Variants in SEC11A observed in about 807,000 individuals in gnomAD.
SEC11A encodes SEC11 homolog A, signal peptidase complex subunit.
Under a neutral mutation model 25.6 loss-of-function variants are expected in SEC11A, and 14 were observed. The ratio of observed to expected loss-of-function variants is 0.55; its 90% CI spans 0.36 to 0.85. SEC11A has a LOEUF of 0.85. SEC11A is among the 40% of genes least tolerant of loss of function. SEC11A has a pLI of 0.01. For synonymous variants in SEC11A, 83 were observed against 76.4 expected (o/e 1.09, Z -0.45); for missense variants, 153 against 222.9 (o/e 0.69, Z 2.00).
intron 3 of SEC11A, among the ~76,000 whole-genome samples, chr15:84,684,429 T>G (rs1404512200): frequency 6.6e-6 from 1 of 152,104 alleles, no homozygotes; most frequent in Non-Finnish European, 1.5e-5. Context: ...TGGATTTGCT[T>G]CTTCTTTGCC....
intron 2 of SEC11A, among the ~76,000 whole-genome samples, chr15:84,688,047 T>G (rs902370806): frequency 6.6e-6 from 1 of 152,222 alleles, no homozygotes; most frequent in Admixed American, 6.5e-5. Context: ...AAAAGGTCAG[T>G]GTTACTAATT....
At chr15:84,695,250 G>T (rs1897734420) in intron 1 of SEC11A, among the ~76,000 whole-genome samples, 3 of 151,840 alleles carry the variant, frequency 2.0e-5, no homozygotes, top group Non-Finnish European at 4.4e-5. Flanking sequence ...ATCACCTGAG[G>T]TTGGGAGTTC....
chr15:84,713,710 T>C (rs1319432153), intron 1 of SEC11A, among the ~76,000 whole-genome samples: 2 of 152,220 alleles, frequency 1.3e-5, no homozygotes, highest in East Asian at 1.9e-4. Flanking sequence ...TCCATTTTAT[T>C]AGAGCAGGAA....
intron 2 of SEC11A, among the ~76,000 whole-genome samples, chr15:84,689,262 C>T (rs1275962977): frequency 4.0e-5 from 6 of 151,428 alleles, no homozygotes; most frequent in Non-Finnish European, 1.5e-5. Context: ...GTTCTTATCA[C>T]AAAAAAATAG....
intron 1 of SEC11A, among the ~76,000 whole-genome samples, chr15:84,693,983 G>A (rs79247907): frequency 0.015 from 2,332 of 152,120 alleles, 67 homozygotes; most frequent in African/African-American, 0.053. Context: ...AATAATTGTT[G>A]GATCTGTGTG....
At chr15:84,685,046 T>C (rs570388081) in intron 3 of SEC11A, among the ~76,000 whole-genome samples, 2 of 152,290 alleles carry the variant, frequency 1.3e-5, no homozygotes, top group Non-Finnish European at 1.5e-5. Context: ...GGGTCTGTTA[T>C]CTACACAGGC....
chr15:84,672,576 G>A (rs55970146), intron 4 of SEC11A: 11,213 of 195,814 alleles, frequency 0.057, 424 homozygotes, highest in African/African-American at 0.086. Context: ...GTGCTCAATG[G>A]TGCCCAGGCT....
intron 1 of SEC11A, chr15:84,714,897 AAAAT>A (rs1437104826): frequency 1.3e-5 from 2 of 152,236 alleles, no homozygotes; most frequent in African/African-American, 4.8e-5. Flanking sequence ...TATCAGACTC[AAAAT>A]AAATACTTTC....
intron 2 of SEC11A, among the ~76,000 whole-genome samples, chr15:84,690,148 C>T (rs890203174): frequency 4.6e-5 from 7 of 152,080 alleles, no homozygotes; most frequent in Non-Finnish European, 1.0e-4. Flanking sequence ...TGAATTCCCA[C>T]GTGTTTTGGG....
At position 84,679,214 on chromosome 15, in the gene SEC11A, TTAAA is replaced by T. The variant is rs1897221198; in HGVS notation, c.431+1495_431+1498del. On this transcript the variant is annotated intron_variant, in intron 4 of 5. Coordinates refer to ENST00000268220, the MANE Select transcript of SEC11A (RefSeq NM_014300.4). ...CAAAGACTCAAAGAGATTGGAGAGTTTAAATAATCACATTAGCAGCATCTTGGGA... is the reference window on the plus strand; with the variant it reads ...CAAAGACTCAAAGAGATTGGAGAGTTTAATCACATTAGCAGCATCTTGGGA... 7 of 1,146,628 alleles carry T rather than the reference TTAAA, an allele frequency of 6.1e-6. 1 individual carries two copies. In the Middle Eastern group the frequency reaches 6.9e-4, roughly 113 times the overall value. The allele number at this position is 1,146,628 out of a possible 1,614,324, so 71.0% of individuals were successfully genotyped here. A position where few individuals can be genotyped will look rare whatever the true frequency, so the allele number is the denominator to read the frequency against.
chr15:84,683,684 C>T (rs964557416), intron 3 of SEC11A, among the ~76,000 whole-genome samples: 6 of 151,942 alleles, frequency 3.9e-5, no homozygotes, highest in African/African-American at 1.5e-4. Flanking sequence ...ACCACCATGC[C>T]CAGTTAATTT....
intron 1 of SEC11A, among the ~76,000 whole-genome samples, chr15:84,693,347 C>CAAA (rs373482336): frequency 8.4e-6 from 1 of 118,422 alleles, no homozygotes; most frequent in African/African-American, 3.1e-5. Flanking sequence ...GATCTTGGTT[C>CAAA]AAAAAAAAAA....
intron 1 of SEC11A, among the ~76,000 whole-genome samples, chr15:84,699,993 AG>A (rs1194172815): frequency 6.6e-6 from 1 of 151,918 alleles, no homozygotes; most frequent in Non-Finnish European, 1.5e-5. Context: ...GTACTCAGAA[AG>A]GTATTACTCA....
intron 1 of SEC11A, among the ~76,000 whole-genome samples, chr15:84,709,188 G>A (rs1448522466): frequency 6.6e-6 from 1 of 151,802 alleles, no homozygotes; most frequent in African/African-American, 2.4e-5. Flanking sequence ...TTATTAGTGA[G>A]TAAATATCTT....
Position 84,670,051 on chromosome 15 carries a change from GC to G in SEC11A, c.507del (p.Leu169PhefsTer37). ...CGATGAACCAGCACGAATAAACCCA[GC>G]AAAAAGAGAACTGCATACTAGAAAA... ...YPKFKYAVLF[L>X]LGLFVLVHRE On this transcript the variant is annotated frameshift_variant, in exon 6 of 6. Transcript: ENST00000268220. LOFTEE classifies it high-confidence loss of function. 1 of 1,612,788 alleles carries G rather than the reference GC, an allele frequency of 6.2e-7. No homozygotes were observed. Among genetic ancestry groups the G allele is most frequent in the Non-Finnish European group, 8.5e-7 (1 of 1,179,460 alleles).
intron 4 of SEC11A, chr15:84,679,852 A>G: frequency 1.9e-6 from 2 of 1,033,200 alleles, no homozygotes; most frequent in East Asian, 2.6e-5. Flanking sequence ...ATAAGCCCTA[A>G]TAAACGTGAG....
At chr15:84,696,894 A>G (rs1393766893) in intron 1 of SEC11A, among the ~76,000 whole-genome samples, 2 of 152,118 alleles carry the variant, frequency 1.3e-5, no homozygotes, top group Non-Finnish European at 2.9e-5. Flanking sequence ...TTTAAAAGAA[A>G]AATGCCCACC....
rs142916891 is a variant in SEC11A, at chr15:84,708,538, G to A, written c.51+7487C>T. ...AGGTTTCTGTATGTTTCACTAGAGC[G>A]ACAACTCGTTTAAAAAAAAAAGTAT... On this transcript the variant is annotated intron_variant, in intron 1 of 5. Transcript: ENST00000268220. Among the ~76,000 whole-genome samples, 1,122 of 151,870 alleles carry A rather than the reference G, an allele frequency of 7.4e-3. 3 individuals are homozygous for A. The highest frequency in any genetic ancestry group is 0.011 in the Non-Finnish European group (765 of 67,974).
At chr15:84,676,866 G>T (rs1897147757) in intron 4 of SEC11A, among the ~76,000 whole-genome samples, 1 of 151,842 alleles carries the variant, frequency 6.6e-6, no homozygotes, top group African/African-American at 2.4e-5. Context: ...CCAAGGTGGA[G>T]GACTGCTTGA....
Sources: gnomAD v4.1 joint callset for allele counts (sites outside exome capture counted in the v4.1 genomes callset) on GRCh38, gnomAD v4.1.1 for gene constraint, MANE v1.5 for transcripts, NCBI Gene and HGNC (gene_info 2026-07-23, HGNC 2026-07-21) for gene names.